Variants in GOLIM4 observed in about 807,000 individuals in gnomAD.
The protein encoded by GOLIM4 is golgi integral membrane protein 4.
A neutral mutation model predicts 107.4 loss-of-function variants in GOLIM4; 71 were observed. The observed-to-expected ratio is 0.66, with a 90% CI of 0.55 to 0.81. The LOEUF (loss-of-function observed/expected upper bound fraction) is 0.81, where lower values mean the gene tolerates loss of function less well. Ranked by LOEUF, GOLIM4 falls within the 30% of genes least tolerant of loss-of-function variation. The pLI is 0.00. For missense variants in GOLIM4, 830 were observed against 826.1 expected, an observed-to-expected ratio of 1.00 and a Z score of -0.06; for synonymous variants, 327 against 294.8, an observed-to-expected ratio of 1.11 and a Z score of -1.12.
chr3:168,060,005 A>C (rs1478554328), intron 1 of GOLIM4, among the ~76,000 whole-genome samples: 1 of 152,202 alleles, frequency 6.6e-6, no homozygotes, highest in Non-Finnish European at 1.5e-5. Context: ...GGAAAGTCAA[A>C]GCATAAGGGA....
At chr3:168,079,330 T>C (rs1383992519) in intron 1 of GOLIM4, among the ~76,000 whole-genome samples, 1 of 152,192 alleles carries the variant, frequency 6.6e-6, no homozygotes, top group African/African-American at 2.4e-5. Flanking sequence ...CAAGAGCATA[T>C]ATTGTTTGAT....
intron 8 of GOLIM4, 74 bp from the exon 9 acceptor site, chr3:168,032,926 G>GCCCCATAGACATGGAAA: frequency 1.8e-6 from 2 of 1,138,654 alleles, no homozygotes; most frequent in Non-Finnish European, 2.6e-6. Flanking sequence ...TGATTTCCAT[G>GCCCCATAGACATGGAAA]TCTATGGGGC....
At chr3:168,033,602 G>C (rs1243147599) in intron 8 of GOLIM4, among the ~76,000 whole-genome samples, 1 of 52,024 alleles carries the variant, frequency 1.9e-5, no homozygotes, top group Admixed American at 3.7e-4. Flanking sequence ...GCAAGACTCC[G>C]TCTCAAAAAA....
chr3:168,085,183 C>T (rs1409052667), intron 1 of GOLIM4, among the ~76,000 whole-genome samples: 1 of 152,100 alleles, frequency 6.6e-6, no homozygotes, highest in Admixed American at 6.5e-5. Flanking sequence ...TAAGAAACAG[C>T]TTTTAAGATA....
chr3:168,076,460 A>G (rs1721089312), intron 1 of GOLIM4, among the ~76,000 whole-genome samples: 3 of 152,202 alleles, frequency 2.0e-5, no homozygotes, highest in Non-Finnish European at 4.4e-5. Context: ...TTGGGAGGCC[A>G]AGGCGGGAGG....
intron 1 of GOLIM4, among the ~76,000 whole-genome samples, chr3:168,065,350 T>C (rs988276354): frequency 2.6e-5 from 4 of 152,164 alleles, no homozygotes; most frequent in Admixed American, 6.5e-5. Flanking sequence ...CTAAGAAAGG[T>C]TCTGATTTTT....
chr3:168,041,072 A>T (rs1410676237), intron 6 of GOLIM4: 1 of 505,830 alleles, frequency 2.0e-6, no homozygotes, highest in Non-Finnish European at 3.5e-6. Flanking sequence ...CCCAAATATC[A>T]TAATCATTTA....
intron 1 of GOLIM4, among the ~76,000 whole-genome samples, chr3:168,085,014 C>T (rs1043657639): frequency 6.6e-6 from 1 of 151,588 alleles, no homozygotes; most frequent in African/African-American, 2.4e-5. Context: ...CATTTACCAG[C>T]AAAGTGCTGA....
Position 168,032,585 on chromosome 3 carries a change from C to G in GOLIM4, c.1111G>C (p.Glu371Gln), listed in dbSNP as rs371617722. ...HDPSPEEQDR[E>Q]WKEQHEQREA... The stretch of plus-strand genomic sequence containing the variant: ...CGTTGCTCATGCTGCTCTTTCCACT[C>G]CCGATCCTGCTCCTCTGGTGATGGA... Residue 371 changes from glutamate to glutamine, a missense_variant, in exon 9 of 16, where the codon GAG (glutamate) becomes CAG (glutamine). Transcript: ENST00000470487. 57 of 1,614,114 alleles carry G rather than the reference C, an allele frequency of 3.5e-5. No homozygotes were observed. In the African/African-American group the frequency reaches 6.9e-4, roughly 20 times the overall value.
rs758861689 is a variant in GOLIM4 at position 168,036,893 on chromosome 3, T to G, written c.786A>C (p.Ala262=). ...PAEQQNVTQV[A]HSPQGYNTAR... Reference sequence around the variant, plus strand: ...CTGTGTTGTAACCTTGTGGAGAATGTGCCACCTGGGTCACATTTTGCTGTT... The same window carrying G: ...CTGTGTTGTAACCTTGTGGAGAATGGGCCACCTGGGTCACATTTTGCTGTT... Residue 262 remains alanine (A), a synonymous_variant, in exon 8 of 16, where the codon GCA becomes GCC. Transcript: ENST00000470487. The G allele has an allele frequency of 2.0e-5, 32 of 1,613,972 alleles. No individual in the cohort carries two copies. Among genetic ancestry groups the G allele is most frequent in the Non-Finnish European group, 2.5e-5 (30 of 1,179,934 alleles).
chr3:168,023,080 A>G (rs1717801498), intron 14 of GOLIM4, among the ~76,000 whole-genome samples: 2 of 152,310 alleles, frequency 1.3e-5, no homozygotes, highest in South Asian at 4.1e-4. Flanking sequence ...AAAATTGAAA[A>G]GGAATCAGTA....
intron 1 of GOLIM4, among the ~76,000 whole-genome samples, chr3:168,083,400 G>A (rs1339525357): frequency 6.6e-6 from 1 of 152,086 alleles, no homozygotes; most frequent in Non-Finnish European, 1.5e-5. Context: ...ATTATCAATG[G>A]GTTTTGAAAC....
intron 9 of GOLIM4, among the ~76,000 whole-genome samples, chr3:168,031,620 T>C (rs1180803648): frequency 6.6e-6 from 1 of 152,176 alleles, no homozygotes; most frequent in Non-Finnish European, 1.5e-5. Context: ...ACTTCCCCTA[T>C]TGGGGAAGGA....
chr3:168,085,335 A>C (rs982170121), intron 1 of GOLIM4, among the ~76,000 whole-genome samples: 7 of 152,210 alleles, frequency 4.6e-5, no homozygotes, highest in African/African-American at 1.4e-4. Flanking sequence ...AGAACCTCCT[A>C]AGGGTTCCTC....
chr3:168,050,499 G>A (rs1009892617), intron 1 of GOLIM4, among the ~76,000 whole-genome samples: 10 of 152,040 alleles, frequency 6.6e-5, no homozygotes, highest in Non-Finnish European at 1.5e-4. Flanking sequence ...GAAACATATA[G>A]GGAAAGAGCT....
At chr3:168,046,842 C>A (rs1719334495) in intron 3 of GOLIM4, 108 bp downstream of exon 3, 2 of 555,752 alleles carry the variant, frequency 3.6e-6, no homozygotes, top group South Asian at 3.1e-5. Flanking sequence ...CCTATAATCC[C>A]AGGGATCAAA....
chr3:168,056,081 A>T (rs1719950424), intron 1 of GOLIM4, among the ~76,000 whole-genome samples: 1 of 152,192 alleles, frequency 6.6e-6, no homozygotes, highest in Admixed American at 6.5e-5. Flanking sequence ...AGGAGGAAAA[A>T]GTGGTTTCAT....
chr3:168,046,866 C>A (rs999207599), intron 3 of GOLIM4, 84 bp downstream of exon 3: 6 of 686,746 alleles, frequency 8.7e-6, no homozygotes, highest in Admixed American at 3.8e-5. Context: ...TAAAAGAGTT[C>A]GCAACTGTAT....
chr3:168,075,984 A>T (rs1721066354), intron 1 of GOLIM4, among the ~76,000 whole-genome samples: 1 of 152,226 alleles, frequency 6.6e-6, no homozygotes, highest in South Asian at 2.1e-4. Context: ...ATACATACAT[A>T]TATACACACA....
Sources: allele counts gnomAD v4.1 joint callset (sites outside exome capture counted in the v4.1 genomes callset), GRCh38; gene constraint gnomAD v4.1.1; transcripts MANE v1.5; gene names NCBI Gene and HGNC (gene_info 2026-07-23, HGNC 2026-07-21).